The following TGFB3 variants were observed in gnomAD, a reference collection of about 807,000 sequenced individuals.
TGFB3 encodes the protein transforming growth factor beta 3.
A neutral mutation model predicts 40.1 loss-of-function variants in TGFB3; 5 were observed. The ratio of observed to expected loss-of-function variants is 0.12; its 90% CI spans 0.07 to 0.26. The LOEUF (loss-of-function observed/expected upper bound fraction) is 0.26. Ranked by LOEUF, TGFB3 falls within the 10% of genes least tolerant of loss-of-function variation. The probability of loss-of-function intolerance (pLI) is 1.00; values close to 1 mark genes in which losing one functional copy is unlikely to be tolerated. For synonymous variants in TGFB3, 184 were observed against 205.6 expected (o/e 0.89, Z 0.90); for missense variants, 373 against 530.1 (o/e 0.70, Z 2.91).
rs2035290954 is a variant in TGFB3, at chr14:75,971,463, G to C, written c.516+92C>G. 2 of 1,574,998 alleles carry C rather than the reference G, an allele frequency of 1.3e-6. No homozygotes were observed. The highest frequency in any genetic ancestry group is 2.3e-5 in the East Asian group (1 of 43,470). On this transcript the variant is annotated intron_variant, in intron 2 of 6. Coordinates refer to ENST00000238682, the MANE Select transcript of TGFB3 (RefSeq NM_003239.5). The surrounding 1 kb of genome is among the most constrained non-coding windows in gnomAD (Gnocchi z 4.5). ...TCAGAGAAGCCAGGATTCAAACCCAGGTCTGCCAAACGCTGCACCCAGTGG... is the reference window on the plus strand; with the variant it reads ...TCAGAGAAGCCAGGATTCAAACCCACGTCTGCCAAACGCTGCACCCAGTGG...
chr14:75,976,263 T>C (rs2035352814), intron 1 of TGFB3, among the ~76,000 whole-genome samples: 1 of 152,144 alleles, frequency 6.6e-6, no homozygotes, highest in African/African-American at 2.4e-5. Flanking sequence ...AACAAATGAT[T>C]CCTGGACCCA....
intron 4 of TGFB3, among the ~76,000 whole-genome samples, chr14:75,964,289 C>T (rs371895376): frequency 9.9e-5 from 15 of 152,110 alleles, no homozygotes; most frequent in East Asian, 3.8e-4. Context: ...GGTGTCACAA[C>T]TTAAGATAGC....
At position 75,958,844 on chromosome 14, in the gene TGFB3, C is replaced by CT; in HGVS notation, c.*342dup. ...CTGACCCAGCCATTCTCTGCCCTTC[C>CT]TTCTCCCTTTAGGGTAGCCCAAATC... On this transcript the variant is annotated 3_prime_UTR_variant, in exon 7 of 7. Coordinates refer to ENST00000238682, the MANE Select transcript of TGFB3 (RefSeq NM_003239.5). 2.7e-6 allele frequency: 1 copy of CT among 365,648 alleles called. No individual in the cohort carries two copies. Among genetic ancestry groups the CT allele is most frequent in the South Asian group, 2.2e-5 (1 of 45,430 alleles). The allele number at this position is 365,648 out of a possible 1,614,324, so 22.7% of individuals were successfully genotyped here.
At position 75,971,358 on chromosome 14, in the gene TGFB3, T is replaced by A; in HGVS notation, c.517-103A>T. ...TGAGGGAGCGATAGGAAACCAGTGG[T>A]TCCTGAATGCCATGGCCCTCGAGCA... is the stretch of plus-strand genomic sequence containing the variant. On this transcript the variant is annotated intron_variant, in intron 2 of 6. Transcript: ENST00000238682. This position sits in a 1 kb window ranked among gnomAD's most constrained non-coding sequence, Gnocchi z 4.5. The A allele has an allele frequency of 1.3e-6, 2 of 1,582,466 alleles. No individual in the cohort carries two copies. Among genetic ancestry groups the A allele is most frequent in the Admixed American group, 1.7e-5 (1 of 57,590 alleles).
In TGFB3 at chr14:75,978,154, T is replaced by C. The variant is rs1220398273; in HGVS notation, c.352+2388A>G. 1.3e-5 allele frequency among the ~76,000 whole-genome samples: 2 copies of C among 152,114 alleles called. No homozygotes were observed. The highest frequency in any genetic ancestry group is 2.9e-5 in the Non-Finnish European group (2 of 68,026). On this transcript the variant is annotated intron_variant, in intron 1 of 6. Coordinates refer to ENST00000238682, the MANE Select transcript of TGFB3 (RefSeq NM_003239.5). This position sits in a 1 kb window ranked among gnomAD's most constrained non-coding sequence, Gnocchi z 5.0. ...ATGCATGTTCACTGGGTCAGGGAAG[T>C]GGCCAGAAGTGAGGAAATATGGAAC...
At chr14:75,968,903 T>C (rs1220463526) in intron 3 of TGFB3, among the ~76,000 whole-genome samples, 1 of 152,080 alleles carries the variant, frequency 6.6e-6, no homozygotes, top group African/African-American at 2.4e-5. Flanking sequence ...AGTGAGAAAA[T>C]CGAGCCAGCA....
intron 3 of TGFB3, 185 bp downstream of exon 3, chr14:75,970,941 G>T: frequency 1.3e-6 from 1 of 786,350 alleles, no homozygotes; most frequent in Non-Finnish European, 2.1e-6. Context: ...CATCCCCAGG[G>T]CCTGTCTTAC....
At chr14:75,982,568 A>G (rs1298193917), upstream of TGFB3, among the ~76,000 whole-genome samples, 1 of 151,796 alleles carries the variant, frequency 6.6e-6, no homozygotes, top group Non-Finnish European at 1.5e-5. This position sits in a 1 kb window ranked among gnomAD's most constrained non-coding sequence, Gnocchi z 4.0. Context: ...CTCCAGGGGC[A>G]GTGAAAAATG....
At chr14:75,961,097 A>G in intron 5 of TGFB3, 21 bp from the exon 6 acceptor site, 15 of 1,614,014 alleles carry the variant, frequency 9.3e-6, no homozygotes, top group Non-Finnish European at 1.3e-5. Context: ...AAACATTTAT[A>G]GAAAATCAAC....
chr14:75,968,399 G>A (rs2035246771), intron 3 of TGFB3, among the ~76,000 whole-genome samples: 1 of 152,164 alleles, frequency 6.6e-6, no homozygotes, highest in South Asian at 2.1e-4. Context: ...ATTGGCAGCT[G>A]TGGGGGTGGT....
chr14:75,961,455 C>T (rs938125416), intron 5 of TGFB3, among the ~76,000 whole-genome samples: 24 of 152,174 alleles, frequency 1.6e-4, no homozygotes, highest in African/African-American at 5.8e-4. Flanking sequence ...CTAATGTGCA[C>T]CCAGACAGAA....
chr14:75,961,884 C>T (rs1172615249), intron 5 of TGFB3, among the ~76,000 whole-genome samples: 6 of 152,134 alleles, frequency 3.9e-5, no homozygotes, highest in African/African-American at 7.2e-5. Context: ...TTGAGAGTAG[C>T]GGTGGTCATG....
intron 3 of TGFB3, 145 bp downstream of exon 3, chr14:75,970,981 G>A: frequency 8.6e-7 from 1 of 1,159,034 alleles, no homozygotes; most frequent in Non-Finnish European, 1.3e-6. Context: ...TTAGTTGAGT[G>A]AATGAATGGA....
chr14:75,965,934 C>T, intron 3 of TGFB3: 1 of 541,964 alleles, frequency 1.8e-6, no homozygotes, highest in Non-Finnish European at 3.3e-6. Flanking sequence ...GGGGCATACA[C>T]TAGTGGCCAT....
At chr14:75,982,311 C>A (rs973658634), upstream of TGFB3, among the ~76,000 whole-genome samples, 3 of 152,176 alleles carry the variant, frequency 2.0e-5, no homozygotes, top group Non-Finnish European at 4.4e-5. This position sits in a 1 kb window ranked among gnomAD's most constrained non-coding sequence, Gnocchi z 4.0. Context: ...TCAGTCCGCG[C>A]CGTCCGCGGC....
At chr14:75,977,712 T>G (rs2035371484) in intron 1 of TGFB3, among the ~76,000 whole-genome samples, 1 of 151,546 alleles carries the variant, frequency 6.6e-6, no homozygotes, top group South Asian at 2.1e-4. Context: ...GTTATCATTG[T>G]GCAATCTGCC....
chr14:75,979,788 A>G lies in TGFB3; in HGVS notation c.352+754T>C, dbSNP rs2035401451. On this transcript the variant is annotated intron_variant, in intron 1 of 6. Transcript: ENST00000238682. This position sits in a 1 kb window ranked among gnomAD's most constrained non-coding sequence, Gnocchi z 4.8. ...GGGCGCCAGCCTCCTCTACGCATCC[A>G]CAGCCAAAACCCGCTCTCCCCGTGC... 6.9e-6 allele frequency among the ~76,000 whole-genome samples: 1 copy of G among 145,426 alleles called. No individual in the cohort carries two copies. The highest frequency in any genetic ancestry group is 2.6e-5 in the African/African-American group (1 of 39,058).
intron 5 of TGFB3, among the ~76,000 whole-genome samples, chr14:75,961,453 C>T (rs1211107777): frequency 6.6e-6 from 1 of 152,208 alleles, no homozygotes; most frequent in Non-Finnish European, 1.5e-5. Context: ...TCCTAATGTG[C>T]ACCCAGACAG....
chr14:75,958,830 A>G lies in TGFB3; in HGVS notation c.*357T>C, dbSNP rs11466443. The G allele has an allele frequency of 3.1e-4, 112 of 360,320 alleles. No individual in the cohort carries two copies. Among genetic ancestry groups the G allele is most frequent in the African/African-American group, 2.2e-3 (102 of 47,162 alleles). The allele number at this position is 360,320 out of a possible 1,614,324, so 22.3% of individuals were successfully genotyped here. A position where few individuals can be genotyped will look rare whatever the true frequency, so the allele number is the denominator to read the frequency against. ...CTTCCAGTCTGGCCCTGACCCAGCC[A>G]TTCTCTGCCCTTCCTTCTCCCTTTA... On this transcript the variant is annotated 3_prime_UTR_variant, in exon 7 of 7. Transcript: ENST00000238682.
Sources: allele counts gnomAD v4.1 joint callset (sites outside exome capture counted in the v4.1 genomes callset), GRCh38; gene constraint gnomAD v4.1.1; non-coding constraint Gnocchi (gnomAD v3.1); transcripts MANE v1.5; gene names NCBI Gene and HGNC (gene_info 2026-07-23, HGNC 2026-07-21).